Variants in DENND5A observed in about 807,000 individuals in gnomAD.
DENND5A encodes DENN domain-containing protein 5A.
A neutral mutation model predicts 140.3 loss-of-function variants in DENND5A; 64 were observed. That is an observed-to-expected ratio of 0.46 (90% CI 0.37 to 0.56). DENND5A has a LOEUF of 0.56. DENND5A is among the 20% of genes least tolerant of loss of function. DENND5A has a pLI of 0.00. For synonymous variants in DENND5A, 605 were observed against 607.7 expected, an observed-to-expected ratio of 1.00 and a Z score of 0.07; for missense variants, 1,292 against 1,593.8, an observed-to-expected ratio of 0.81 and a Z score of 3.22.
At chr11:9,142,548 C>T (rs7395168) in intron 21 of DENND5A, among the ~76,000 whole-genome samples, 174 bp downstream of exon 21, 9 of 152,190 alleles carry the variant, frequency 5.9e-5, no homozygotes, top group East Asian at 1.9e-4. Flanking sequence ...TTACCAAGGA[C>T]GGGGAGGAGA....
intron 5 of DENND5A, among the ~76,000 whole-genome samples, chr11:9,184,243 C>T (rs1381048513): frequency 6.6e-6 from 1 of 151,966 alleles, no homozygotes; most frequent in Non-Finnish European, 1.5e-5. Context: ...GTCCCAGCTA[C>T]TTGGAAGGCT....
chr11:9,223,727 T>C (rs1027972946), intron 1 of DENND5A, among the ~76,000 whole-genome samples: 1 of 152,086 alleles, frequency 6.6e-6, no homozygotes, highest in African/African-American at 2.4e-5. Context: ...AAAAAAAGCG[T>C]AACATCTGAC....
Position 9,253,454 on chromosome 11 carries a change from A to G in DENND5A, c.109+11507T>C, listed in dbSNP as rs554601870. Among the ~76,000 whole-genome samples, 3 of 152,234 alleles carry G rather than the reference A, an allele frequency of 2.0e-5. No homozygotes were observed. The South Asian group carries it at 6.2e-4, about 32-fold the overall frequency. ...TCCTCCCTGCCTGATGGAGTCAAAT[A>G]GCGTTCTCTTTAGAATATACAGTCT... On this transcript the variant is annotated intron_variant, in intron 1 of 22. Coordinates refer to ENST00000328194, the MANE Select transcript of DENND5A (RefSeq NM_015213.4).
At chr11:9,247,560 A>G (rs967013215) in intron 1 of DENND5A, among the ~76,000 whole-genome samples, 1 of 152,042 alleles carries the variant, frequency 6.6e-6, no homozygotes, top group African/African-American at 2.4e-5. Flanking sequence ...ACACCTAGTG[A>G]AGAAAAAAAA....
chr11:9,160,186 A>C (rs1847931591), intron 12 of DENND5A, among the ~76,000 whole-genome samples: 1 of 152,254 alleles, frequency 6.6e-6, no homozygotes, highest in Non-Finnish European at 1.5e-5. Context: ...ATCTATCTTG[A>C]CTACCAATTG....
chr11:9,264,719 T>C (rs1334979995), intron 1 of DENND5A, among the ~76,000 whole-genome samples: 7 of 152,162 alleles, frequency 4.6e-5, no homozygotes, highest in African/African-American at 1.2e-4. Context: ...ACCCTCCCTC[T>C]TTCTGGTCGC....
rs755202824 is a variant in DENND5A, at chr11:9,180,976, T to A, written c.1246A>T (p.Met416Leu). ...EFVQEVSEILMAFGIPPEGNL... is the reference protein window; with the variant it reads ...EFVQEVSEILLAFGIPPEGNL... ...CCTTCAGGGGGAATTCCAAATGCCA[T>A]GAGAATCTCAGAGACTTCCTGGACA... The change falls in exon 6 of 23, where the codon ATG becomes TTG. Residue 416 changes from methionine to leucine, a missense_variant. Physicochemically the swap from Met to Leu is conservative, Grantham distance 15. This residue lies in a region of DENND5A where 566 missense variants were observed against 650.4 expected (regional missense o/e 0.87). Coordinates refer to ENST00000328194, the MANE Select transcript of DENND5A (RefSeq NM_015213.4). 1 of 1,613,960 alleles carries A rather than the reference T, an allele frequency of 6.2e-7. No individual in the cohort carries two copies. The highest frequency in any genetic ancestry group is 8.5e-7 in the Non-Finnish European group (1 of 1,179,952).
intron 1 of DENND5A, among the ~76,000 whole-genome samples, chr11:9,234,907 G>A (rs1850937685): frequency 6.6e-6 from 1 of 152,144 alleles, no homozygotes; most frequent in Admixed American, 6.6e-5. Flanking sequence ...AGCTCTGAAA[G>A]CTGTGAGACT....
In DENND5A at chr11:9,139,775, T is replaced by G; in HGVS notation, c.3760A>C (p.Ile1254Leu). The change falls in exon 23 of 23, where the codon ATC becomes CTC. Residue 1254 changes from isoleucine (I) to leucine (L), a missense_variant. Physicochemically the swap from Ile to Leu is conservative, Grantham distance 5 (BLOSUM62 2). Around this residue, in one of 4 missense-constraint regions of DENND5A, gnomAD observed 498 missense variants for 689.7 expected, o/e 0.72. Coordinates refer to ENST00000328194, the MANE Select transcript of DENND5A (RefSeq NM_015213.4). ...GAATTGACAAGTGTATGGTCTTTGA[T>G]CAGTGCCACATCCTCATACATGTGT... ...TAHMYEDVAL[I>L]KDHTLVNSLI... 6.2e-7 allele frequency: 1 copy of G among 1,614,096 alleles called. No homozygotes were observed. The highest frequency in any genetic ancestry group is 8.5e-7 in the Non-Finnish European group (1 of 1,180,012).
chr11:9,173,429 T>C (rs1848439612), intron 8 of DENND5A, among the ~76,000 whole-genome samples: 1 of 152,222 alleles, frequency 6.6e-6, no homozygotes, highest in East Asian at 1.9e-4. Context: ...AATGACCATG[T>C]AGTGTTAGGT....
At chr11:9,244,745 A>G (rs549006323) in intron 1 of DENND5A, among the ~76,000 whole-genome samples, 1 of 152,110 alleles carries the variant, frequency 6.6e-6, no homozygotes, top group East Asian at 1.9e-4. Context: ...TCACTATCTC[A>G]GCTCACTGCA....
chr11:9,258,814 T>G (rs908689106), intron 1 of DENND5A, among the ~76,000 whole-genome samples: 3 of 152,184 alleles, frequency 2.0e-5, no homozygotes, highest in Non-Finnish European at 4.4e-5. Context: ...GGTTATATAA[T>G]TGCAAAGGGT....
chr11:9,238,793 T>C (rs1172361175), intron 1 of DENND5A, among the ~76,000 whole-genome samples: 1 of 151,780 alleles, frequency 6.6e-6, no homozygotes, highest in East Asian at 1.9e-4. Flanking sequence ...AAAGGGATAA[T>C]GAGTGAATTA....
chr11:9,139,614 A>T lies in DENND5A; in HGVS notation c.*57T>A, dbSNP rs1847167831. On this transcript the variant is annotated 3_prime_UTR_variant, in exon 23 of 23. Coordinates refer to ENST00000328194, the MANE Select transcript of DENND5A (RefSeq NM_015213.4). ...ATCGCTTAAGTCCCTTTGGGAAAAA[A>T]GGTCAGAGCTGCAGGGTGAGTCTTT... is the stretch of plus-strand genomic sequence containing the variant. The T allele has an allele frequency of 3.3e-6, 5 of 1,532,990 alleles. No individual in the cohort carries two copies. In the South Asian group the frequency reaches 6.0e-5, roughly 18 times the overall value. The allele number at this position is 1,532,990 out of a possible 1,614,324, so 95.0% of individuals were successfully genotyped here. A position where few individuals can be genotyped will look rare whatever the true frequency, so the allele number is the denominator to read the frequency against.
intron 1 of DENND5A, among the ~76,000 whole-genome samples, chr11:9,230,751 G>A (rs1850736492): frequency 6.6e-6 from 1 of 152,078 alleles, no homozygotes; most frequent in Non-Finnish European, 1.5e-5. Context: ...CCAGAATTTT[G>A]GGAGGCCAAG....
chr11:9,162,142 T>C (rs1848004437), intron 11 of DENND5A, among the ~76,000 whole-genome samples: 1 of 114,254 alleles, frequency 8.8e-6, no homozygotes, highest in African/African-American at 4.3e-5. Context: ...GGCATATTTC[T>C]TTCCACTGTT....
intron 1 of DENND5A, among the ~76,000 whole-genome samples, chr11:9,259,130 C>T (rs932411841): frequency 6.6e-6 from 1 of 151,918 alleles, no homozygotes; most frequent in African/African-American, 2.4e-5. Flanking sequence ...CATGGTGGCA[C>T]ATGCCTGTAA....
intron 12 of DENND5A, among the ~76,000 whole-genome samples, chr11:9,153,698 G>A (rs1244079696): frequency 6.6e-6 from 1 of 152,182 alleles, no homozygotes; most frequent in Non-Finnish European, 1.5e-5. Context: ...ACTATTGAAG[G>A]TATAGTTGAA....
At chr11:9,241,873 G>A (rs1389241563) in intron 1 of DENND5A, among the ~76,000 whole-genome samples, 1 of 152,026 alleles carries the variant, frequency 6.6e-6, no homozygotes, top group East Asian at 1.9e-4. Context: ...AATTAGCCGG[G>A]CATGGTGGCG....
Sources: allele counts gnomAD v4.1 joint callset (sites outside exome capture counted in the v4.1 genomes callset), GRCh38; gene constraint gnomAD v4.1.1; regional missense constraint gnomAD v4.1.1; transcripts MANE v1.5; gene names NCBI Gene and HGNC (gene_info 2026-07-23, HGNC 2026-07-21).